Variants in ANKRD6 observed in about 807,000 individuals in gnomAD.
ANKRD6 encodes the protein ankyrin repeat domain-containing protein 6.
A neutral mutation model predicts 82.3 loss-of-function variants in ANKRD6; 56 were observed. The observed-to-expected ratio is 0.68, with a 90% CI of 0.55 to 0.85. ANKRD6 has a LOEUF of 0.85. ANKRD6 is among the 40% of genes least tolerant of loss of function. The pLI is 0.00. For missense variants in ANKRD6, 852 were observed against 907.6 expected, an observed-to-expected ratio of 0.94 and a Z score of 0.79; for synonymous variants, 347 against 352.1, an observed-to-expected ratio of 0.99 and a Z score of 0.16.
intron 1 of ANKRD6, among the ~76,000 whole-genome samples, chr6:89,446,853 G>A (rs1322740555): frequency 6.6e-6 from 1 of 152,174 alleles, no homozygotes; most frequent in Non-Finnish European, 1.5e-5. Context: ...TCACGAGATT[G>A]GATAGTTTTA....
At position 89,609,493 on chromosome 6, in the gene ANKRD6, C is replaced by T. The variant is rs549903122; in HGVS notation, c.418-2779C>T. On this transcript the variant is annotated intron_variant, in intron 5 of 15. Coordinates refer to ENST00000339746, the MANE Select transcript of ANKRD6 (RefSeq NM_001242809.2). ...ATTTTTGTATTTTTAGTAGAGACAG[C>T]GTTTCACCATGTTGGCCAGACTGGT... is the stretch of plus-strand genomic sequence containing the variant. 3.3e-5 allele frequency among the ~76,000 whole-genome samples: 5 copies of T among 151,986 alleles called. No homozygotes were observed. The East Asian group carries it at 5.8e-4, about 18-fold the overall frequency.
chr6:89,558,945 T>C (rs1244707262), intron 1 of ANKRD6, among the ~76,000 whole-genome samples: 1 of 151,942 alleles, frequency 6.6e-6, no homozygotes, highest in Non-Finnish European at 1.5e-5. Flanking sequence ...AAGAAATAAA[T>C]GAAGGAGGAA....
At chr6:89,535,578 T>C (rs569142621) in intron 1 of ANKRD6, among the ~76,000 whole-genome samples, 4 of 152,330 alleles carry the variant, frequency 2.6e-5, no homozygotes, top group Admixed American at 2.0e-4. Flanking sequence ...AACTTCTCCA[T>C]TGAGTGGGCA....
chr6:89,481,743 GCTGCTGCTGGTGGTGGTA>G (rs1224669244), intron 1 of ANKRD6, among the ~76,000 whole-genome samples: 4 of 152,076 alleles, frequency 2.6e-5, no homozygotes, highest in Admixed American at 6.6e-5. Flanking sequence ...TGGTACTGCT[GCTGCTGCTGGTGGTGGTA>G]CTGCTGCTGG....
chr6:89,538,998 A>G (rs1477176203), intron 1 of ANKRD6, among the ~76,000 whole-genome samples: 5 of 152,162 alleles, frequency 3.3e-5, no homozygotes, highest in Admixed American at 3.3e-4. Flanking sequence ...GATTATACCT[A>G]GGTACAACCT....
At chr6:89,503,207 G>A (rs1217181295) in intron 1 of ANKRD6, among the ~76,000 whole-genome samples, 2 of 152,158 alleles carry the variant, frequency 1.3e-5, no homozygotes, top group Non-Finnish European at 2.9e-5. Flanking sequence ...CTTTTTGGCT[G>A]CTGGGGTGAT....
intron 2 of ANKRD6, among the ~76,000 whole-genome samples, chr6:89,578,960 T>C (rs1791803690): frequency 6.6e-6 from 1 of 152,198 alleles, no homozygotes; most frequent in South Asian, 2.1e-4. Context: ...ACCACTATGC[T>C]GGCCACCCCT....
intron 1 of ANKRD6, among the ~76,000 whole-genome samples, chr6:89,436,418 C>T (rs1770645695): frequency 6.6e-6 from 1 of 152,170 alleles, no homozygotes; most frequent in African/African-American, 2.4e-5. Context: ...CAGCAGTGTC[C>T]AGACATGTTT....
intron 5 of ANKRD6, among the ~76,000 whole-genome samples, chr6:89,607,774 G>A (rs964725346): frequency 6.6e-6 from 1 of 151,568 alleles, no homozygotes; most frequent in African/African-American, 2.4e-5. Context: ...TCCTGCCTCA[G>A]CCTCCTAAGT....
At position 89,534,035 on chromosome 6, in the gene ANKRD6, CTATTGCATTGTGTT is replaced by C. The variant is rs540656028; in HGVS notation, c.-143-32798_-143-32785del. Among the ~76,000 whole-genome samples, 313 of 152,312 alleles carry C rather than the reference CTATTGCATTGTGTT, an allele frequency of 2.1e-3. 1 individual carries two copies. Among genetic ancestry groups the C allele is most frequent in the Middle Eastern group, 6.8e-3 (2 of 294 alleles). ...TATTGGGATATTGTTTTCTAACTGC[CTATTGCATTGTGTT>C]AAATTACAAACTAATTCCCCAGATG... On this transcript the variant is annotated intron_variant, in intron 1 of 15. Coordinates refer to ENST00000339746, the MANE Select transcript of ANKRD6 (RefSeq NM_001242809.2).
intron 1 of ANKRD6, among the ~76,000 whole-genome samples, chr6:89,543,806 C>T (rs1264116679): frequency 2.0e-5 from 3 of 152,190 alleles, no homozygotes; most frequent in Admixed American, 6.5e-5. Context: ...CTGTCTATCT[C>T]GCCCATGCCA....
intron 1 of ANKRD6, among the ~76,000 whole-genome samples, chr6:89,476,764 G>A (rs536482683): frequency 6.6e-6 from 1 of 152,290 alleles, no homozygotes; most frequent in African/African-American, 2.4e-5. Context: ...AAATTGTCCT[G>A]TAACTCCTGT....
chr6:89,552,657 T>C (rs1786011383), intron 1 of ANKRD6, among the ~76,000 whole-genome samples: 1 of 152,122 alleles, frequency 6.6e-6, no homozygotes, highest in South Asian at 2.1e-4. Context: ...ATTTAGTGAG[T>C]GCTTTTTCTG....
chr6:89,613,802 C>T lies in ANKRD6; in HGVS notation c.527C>T (p.Thr176Ile). 1 of 1,614,010 alleles carries T rather than the reference C, an allele frequency of 6.2e-7. No individual in the cohort carries two copies. Among genetic ancestry groups the T allele is most frequent in the Non-Finnish European group, 8.5e-7 (1 of 1,179,884 alleles). The change falls in exon 7 of 16, where the codon ACC becomes ATC. Residue 176 changes from threonine (T) to isoleucine (I), a missense_variant. By Grantham distance (89) the Thr-to-Ile change is moderately conservative. Coordinates refer to ENST00000339746, the MANE Select transcript of ANKRD6 (RefSeq NM_001242809.2). Reference sequence around the variant, plus strand: ...GATTTTTGTCCGCAGGCAGGAGACACCTGTTTGCACGTTGCTGCGCGCTAT... The same window carrying T: ...GATTTTTGTCCGCAGGCAGGAGACATCTGTTTGCACGTTGCTGCGCGCTAT... ...RADLKNNAGD[T>I]CLHVAARYNH...
At chr6:89,531,259 G>A (rs1783109351) in intron 1 of ANKRD6, among the ~76,000 whole-genome samples, 1 of 152,378 alleles carries the variant, frequency 6.6e-6, no homozygotes, top group South Asian at 2.1e-4. Context: ...CTGTTAGGAT[G>A]AGGAAAGGAG....
At chr6:89,547,945 CT>C (rs781444245) in intron 1 of ANKRD6, among the ~76,000 whole-genome samples, 19 of 152,144 alleles carry the variant, frequency 1.2e-4, no homozygotes, top group Non-Finnish European at 2.5e-4. Context: ...GCTTACAGGG[CT>C]TCAATGACTT....
chr6:89,555,936 G>A (rs916603984), intron 1 of ANKRD6, among the ~76,000 whole-genome samples: 3 of 152,152 alleles, frequency 2.0e-5, no homozygotes, highest in Non-Finnish European at 4.4e-5. Context: ...CTTGAGGCAG[G>A]GAGAGTAACG....
intron 2 of ANKRD6, among the ~76,000 whole-genome samples, chr6:89,575,312 A>T (rs1790870891): frequency 6.6e-6 from 1 of 151,986 alleles, no homozygotes; most frequent in Admixed American, 6.6e-5. Flanking sequence ...GGGAAGAGGG[A>T]TTCTAGTTTC....
At chr6:89,570,214 G>A (rs1421653982) in intron 2 of ANKRD6, among the ~76,000 whole-genome samples, 1 of 151,944 alleles carries the variant, frequency 6.6e-6, no homozygotes, top group Non-Finnish European at 1.5e-5. Context: ...CTGTGTAGCT[G>A]GGACTACAGG....
Sources: gnomAD v4.1 joint callset for allele counts (sites outside exome capture counted in the v4.1 genomes callset) on GRCh38, gnomAD v4.1.1 for gene constraint, MANE v1.5 for transcripts, NCBI Gene and HGNC (gene_info 2026-07-23, HGNC 2026-07-21) for gene names.